Variants in SLC26A5 observed in about 807,000 individuals in gnomAD.
The protein encoded by SLC26A5 is prestin.
SLC26A5 carries 51 observed loss-of-function variants against 81.0 expected under a neutral mutation model. That is an observed-to-expected ratio of 0.63 (90% CI 0.50 to 0.80). The LOEUF (loss-of-function observed/expected upper bound fraction) is 0.80. Ranked by LOEUF, SLC26A5 falls within the 30% of genes least tolerant of loss-of-function variation. The pLI, the probability that SLC26A5 is intolerant of heterozygous loss-of-function variation, is 0.00. For synonymous variants in SLC26A5, 325 were observed against 332.8 expected, an observed-to-expected ratio of 0.98 and a Z score of 0.25; for missense variants, 771 against 905.8, an observed-to-expected ratio of 0.85 and a Z score of 1.91.
At chr7:103,427,231 G>A (rs1202008326) in intron 2 of SLC26A5, among the ~76,000 whole-genome samples, 4 of 151,960 alleles carry the variant, frequency 2.6e-5, no homozygotes, top group South Asian at 2.1e-4. Context: ...GCGCCACCAC[G>A]CCCAACTACT....
At chr7:103,398,104 A>C in intron 8 of SLC26A5, 90 bp from the exon 9 acceptor site, 1 of 968,376 alleles carries the variant, frequency 1.0e-6, no homozygotes. Flanking sequence ...GTCAAGTCAA[A>C]TCTATTCTCA....
chr7:103,439,662 C>T (rs914041113), intron 2 of SLC26A5, among the ~76,000 whole-genome samples: 1 of 152,112 alleles, frequency 6.6e-6, no homozygotes, highest in East Asian at 1.9e-4. Flanking sequence ...GCCTACCGAG[C>T]AGCTGGGATT....
chr7:103,393,967 GT>G (rs1440068812), intron 9 of SLC26A5, among the ~76,000 whole-genome samples: 1 of 152,108 alleles, frequency 6.6e-6, no homozygotes, highest in African/African-American at 2.4e-5. Context: ...TCATTTAATT[GT>G]TTTCAATGGC....
In SLC26A5 at chr7:103,407,851, C is replaced by T. The variant is rs745970454; in HGVS notation, c.888G>A (p.Ala296=). The stretch of plus-strand genomic sequence containing the variant: ...AGGTCACTGACCGAAGGTGACTTAC[C>T]GCAAAGAACTCTAAAGGAATAGGCG... ...LPAPIPLEFF[A]VVMGTGISAG... The change falls in exon 8 of 20, where the codon GCG becomes GCA. Residue 296 remains alanine (A), a splice_region_variant and synonymous_variant. Transcript: ENST00000306312. 5.0e-6 allele frequency: 8 copies of T among 1,613,762 alleles called. No individual in the cohort carries two copies. Among genetic ancestry groups the T allele is most frequent in the South Asian group, 1.1e-5 (1 of 91,030 alleles).
intron 9 of SLC26A5, 96 bp downstream of exon 9, chr7:103,397,836 G>C: frequency 1.1e-6 from 1 of 938,288 alleles, no homozygotes. Context: ...ATAGAAAAAA[G>C]ATTATTTTTC....
intron 19 of SLC26A5, chr7:103,353,883 T>A (rs1390837065): frequency 6.4e-7 from 1 of 1,564,392 alleles, no homozygotes; most frequent in Admixed American, 1.7e-5. Context: ...TAATTCTAGT[T>A]TCTTTTTGAA....
intron 1 of SLC26A5, chr7:103,445,538 G>C (rs113822280): frequency 1.3e-5 from 2 of 152,248 alleles, no homozygotes; most frequent in East Asian, 1.9e-4. Flanking sequence ...CTTCGTGACC[G>C]GATAAGTCAG....
At chr7:103,421,613 T>C (rs1825359962) in intron 2 of SLC26A5, 46 bp from the exon 3 acceptor site, 1 of 1,305,476 alleles carries the variant, frequency 7.7e-7, no homozygotes, top group Non-Finnish European at 1.1e-6. Flanking sequence ...AAAATCCTAC[T>C]GATGACTTTT....
Position 103,364,806 on chromosome 7 carries a change from C to T in SLC26A5, c.2042-11880G>A, listed in dbSNP as rs901782856. 1.3e-4 allele frequency among the ~76,000 whole-genome samples: 19 copies of T among 151,972 alleles called. No individual in the cohort carries two copies. The South Asian group carries it at 2.5e-3, about 20-fold the overall frequency. On this transcript the variant is annotated intron_variant, in intron 19 of 19. Coordinates refer to the SLC26A5 transcript ENST00000339444. Reference sequence around the variant, plus strand: ...ACTTAAAATTTTAACCAGTATGCCCCCTCCTCAAAAGGGTGACATTTTCTA... The same window carrying T: ...ACTTAAAATTTTAACCAGTATGCCCTCTCCTCAAAAGGGTGACATTTTCTA...
At chr7:103,440,123 A>G (rs1001913352) in intron 2 of SLC26A5, among the ~76,000 whole-genome samples, 4 of 152,102 alleles carry the variant, frequency 2.6e-5, no homozygotes, top group African/African-American at 7.2e-5. Flanking sequence ...TCCCCTCTTC[A>G]TAAGAATGTA....
chr7:103,420,998 G>A (rs895679867), intron 3 of SLC26A5, 121 bp from the exon 4 acceptor site: 39 of 1,089,710 alleles, frequency 3.6e-5, no homozygotes, highest in Non-Finnish European at 5.0e-5. Context: ...TCCAATTGGT[G>A]ATTCAAGATG....
At chr7:103,412,816 G>T (rs1824609850) in intron 5 of SLC26A5, among the ~76,000 whole-genome samples, 186 bp downstream of exon 5, 1 of 152,132 alleles carries the variant, frequency 6.6e-6, no homozygotes. Flanking sequence ...CTCCCAGAGT[G>T]CTGGGATTAC....
intron 8 of SLC26A5, among the ~76,000 whole-genome samples, chr7:103,402,111 T>A (rs1336509541): frequency 2.0e-5 from 3 of 152,182 alleles, no homozygotes; most frequent in Non-Finnish European, 2.9e-5. Context: ...TTTTCTATTG[T>A]TTGGAATAGT....
At chr7:103,357,375 G>A (rs1411323685) in intron 19 of SLC26A5, among the ~76,000 whole-genome samples, 1 of 151,130 alleles carries the variant, frequency 6.6e-6, no homozygotes, top group Non-Finnish European at 1.5e-5. Flanking sequence ...AATAACAACT[G>A]TATTTCCCAA....
downstream of SLC26A5, among the ~76,000 whole-genome samples, chr7:103,373,219 A>C (rs937979649): frequency 1.3e-5 from 2 of 152,232 alleles, no homozygotes; most frequent in East Asian, 1.9e-4. Flanking sequence ...GTAGTCACAA[A>C]GGGGAAAAAT....
intron 19 of SLC26A5, among the ~76,000 whole-genome samples, chr7:103,359,141 T>TTA (rs1820221491): frequency 2.1e-5 from 2 of 94,492 alleles, no homozygotes; most frequent in Admixed American, 1.0e-4. Flanking sequence ...TGTCTGGCTT[T>TTA]TTTTTTTTTT....
chr7:103,437,177 A>G (rs1479337605), intron 2 of SLC26A5, among the ~76,000 whole-genome samples: 1 of 152,262 alleles, frequency 6.6e-6, no homozygotes, highest in Non-Finnish European at 1.5e-5. Flanking sequence ...GAGGTACATG[A>G]AAAAATGTCC....
At chr7:103,359,179 G>GT (rs1342534706) in intron 19 of SLC26A5, among the ~76,000 whole-genome samples, 1 of 31,972 alleles carries the variant, frequency 3.1e-5, no homozygotes, top group African/African-American at 8.4e-5. Flanking sequence ...TTAATTTTTA[G>GT]TAGAGACAGG....
At chr7:103,393,218 G>C in intron 9 of SLC26A5, 152 bp from the exon 10 acceptor site, 3 of 954,312 alleles carry the variant, frequency 3.1e-6, no homozygotes, top group Non-Finnish European at 4.6e-6. Context: ...GCAAAAAGGA[G>C]GGCCCTCCTT....
Sources: allele counts gnomAD v4.1 joint callset (sites outside exome capture counted in the v4.1 genomes callset), GRCh38; gene constraint gnomAD v4.1.1; transcripts MANE v1.5; gene names NCBI Gene and HGNC (gene_info 2026-07-23, HGNC 2026-07-21).